Variants in VAC14 observed in about 807,000 individuals in gnomAD.
VAC14 encodes the protein protein VAC14 homolog.
In VAC14, 47 loss-of-function variants were observed where a neutral mutation model predicts 85.3. The ratio of observed to expected loss-of-function variants is 0.55; its 90% CI spans 0.44 to 0.70. The LOEUF is 0.70. Ranked by LOEUF, VAC14 falls within the 30% of genes least tolerant of loss-of-function variation. VAC14 has a pLI of 0.00. For missense variants in VAC14, 861 were observed against 1,004.3 expected (o/e 0.86, Z 1.93); for synonymous variants, 447 against 430.5 (o/e 1.04, Z -0.47).
intron 18 of VAC14, chr16:70,691,110 G>T (rs535428675): frequency 1.0e-6 from 1 of 985,376 alleles, no homozygotes; most frequent in African/African-American, 1.7e-5. Flanking sequence ...CTGACTGACC[G>T]TGGGAGATTC....
At chr16:70,780,526 T>C (rs1394704083) in intron 9 of VAC14, among the ~76,000 whole-genome samples, 1 of 152,232 alleles carries the variant, frequency 6.6e-6, no homozygotes, top group Non-Finnish European at 1.5e-5. Context: ...TCATGGCTGC[T>C]GGAGACAGCC....
At position 70,697,226 on chromosome 16, in the gene VAC14, C is replaced by T. The variant is rs567126350; in HGVS notation, c.1868G>A (p.Arg623His). The T allele has an allele frequency of 1.3e-5, 21 of 1,613,796 alleles. No homozygotes were observed. The highest frequency in any genetic ancestry group is 2.2e-5 in the South Asian group (2 of 91,078). Residue 623 changes from arginine (R) to histidine (H), a missense_variant, in exon 16 of 19, where the codon CGC (arginine) becomes CAC (histidine). By Grantham distance (29) the Arg-to-His change is conservative. Coordinates refer to ENST00000261776, the MANE Select transcript of VAC14 (RefSeq NM_018052.5). ...GGTGACTGGGTTGTGGCACCAGGAG[C>T]GGTACAGGCAGCAGAACAGGTTCTG... The part of the protein sequence containing the change: ...ESQNLFCCLY[R>H]SWCHNPVTTV...
chr16:70,785,716 C>A lies in VAC14; in HGVS notation c.409G>T (p.Asp137Tyr). ...AGGGCGGTTACCTTGCTCAGCCCGT[C>A]AAAGAGCACGTTGAAGTGGGGCAGC... ...AVLPHFNVLF[D>Y]GLSKLAADPD... Residue 137 changes from aspartate (D) to tyrosine (Y), a missense_variant, in exon 3 of 19, where the codon GAC becomes TAC. Physicochemically the swap from Asp to Tyr is radical, Grantham distance 160. This residue lies in a region of VAC14 where 629 missense variants were observed against 703.1 expected (regional missense o/e 0.89). Coordinates refer to ENST00000261776, the MANE Select transcript of VAC14 (RefSeq NM_018052.5). 1 of 1,561,992 alleles carries A rather than the reference C, an allele frequency of 6.4e-7. No individual in the cohort carries two copies. Among genetic ancestry groups the A allele is most frequent in the South Asian group, 1.2e-5 (1 of 84,792 alleles).
intron 1 of VAC14, among the ~76,000 whole-genome samples, chr16:70,798,164 T>A (rs1435928659): frequency 1.3e-5 from 2 of 152,172 alleles, no homozygotes; most frequent in African/African-American, 4.8e-5. Flanking sequence ...AATGGGAGCT[T>A]GAACCCCAGT....
chr16:70,772,149 A>T lies in VAC14; in HGVS notation c.1120T>A (p.Ser374Thr). The change falls in exon 10 of 19, where the codon TCC (serine) becomes ACC (threonine). Residue 374 changes from serine (S) to threonine (T), a missense_variant. Transcript: ENST00000261776. Reference sequence around the variant, plus strand: ...ACACTGATGCCGCTACTGAAGCTGGAGTCACAGGAACCATCTGGACCTCCT... The same window carrying T: ...ACACTGATGCCGCTACTGAAGCTGGTGTCACAGGAACCATCTGGACCTCCT... Reference protein sequence around the residue: ...ASGGPDGSCDSSFSSGISVFT... With the variant: ...ASGGPDGSCDTSFSSGISVFT... The T allele has an allele frequency of 6.2e-7, 1 of 1,614,148 alleles. No individual in the cohort carries two copies. Among genetic ancestry groups the T allele is most frequent in the Non-Finnish European group, 8.5e-7 (1 of 1,180,020 alleles).
intron 1 of VAC14, among the ~76,000 whole-genome samples, chr16:70,789,653 C>CTG (rs1356109352): frequency 2.0e-5 from 3 of 152,212 alleles, no homozygotes; most frequent in Admixed American, 2.0e-4. Flanking sequence ...TAAATCCACT[C>CTG]TGAGAACTGA....
At chr16:70,752,685 C>T (rs987506268) in intron 12 of VAC14, among the ~76,000 whole-genome samples, 1 of 152,266 alleles carries the variant, frequency 6.6e-6, no homozygotes, top group Non-Finnish European at 1.5e-5. Context: ...GCAAGCTACG[C>T]ACAGTCCCCG....
At chr16:70,785,962 A>T (rs971882947) in intron 2 of VAC14, 93 bp from the exon 3 acceptor site, 2 of 1,434,426 alleles carry the variant, frequency 1.4e-6, no homozygotes, top group Non-Finnish European at 1.9e-6. Flanking sequence ...GCTCCCTTGA[A>T]GGTGCTCAGG....
chr16:70,690,703 C>T (rs1341942303), intron 18 of VAC14: 5 of 985,752 alleles, frequency 5.1e-6, no homozygotes, highest in Non-Finnish European at 6.0e-6. Context: ...GTCTGCCCCT[C>T]CCAGGGCTGG....
chr16:70,695,705 C>A (rs113340576), intron 16 of VAC14, 82 bp from the exon 17 acceptor site: 2 of 1,361,382 alleles, frequency 1.5e-6, no homozygotes, highest in African/African-American at 1.4e-5. Context: ...CCCCCCTGCA[C>A]CTGGCTTCCT....
At chr16:70,791,158 A>C (rs1192743671) in intron 1 of VAC14, among the ~76,000 whole-genome samples, 2 of 152,154 alleles carry the variant, frequency 1.3e-5, no homozygotes, top group African/African-American at 4.8e-5. Flanking sequence ...TGCCTGGCCC[A>C]TGCTGCACCT....
At chr16:70,712,917 A>C (rs563187019) in intron 14 of VAC14, among the ~76,000 whole-genome samples, 110 of 152,292 alleles carry the variant, frequency 7.2e-4, no homozygotes, top group Middle Eastern at 6.8e-3. Context: ...CTACCTCCCC[A>C]GGGCATGGGT....
At chr16:70,726,415 C>G (rs889515950) in intron 14 of VAC14, among the ~76,000 whole-genome samples, 14 of 152,252 alleles carry the variant, frequency 9.2e-5, no homozygotes, top group Admixed American at 9.2e-4. Context: ...TCCCCCTCCA[C>G]AGACCACCCT....
chr16:70,731,265 A>T lies in VAC14; in HGVS notation c.1661+230T>A, dbSNP rs1330689630. ...AAGATAGTAACTCAGGAAGCAAAAA[A>T]TGAATTCAGTTGTGCGGAAAAACAT... On this transcript the variant is annotated intron_variant, in intron 14 of 18. Coordinates refer to ENST00000261776, the MANE Select transcript of VAC14 (RefSeq NM_018052.5). The T allele has an allele frequency of 2.3e-6, 3 of 1,290,872 alleles. No individual in the cohort carries two copies. In the African/African-American group the frequency reaches 4.5e-5, roughly 19 times the overall value. 80.0% of individuals were successfully genotyped at this position (1,290,872 alleles called of 1,614,324 possible). A position where few individuals can be genotyped will look rare whatever the true frequency, so the allele number is the denominator to read the frequency against.
chr16:70,772,074 T>A, intron 10 of VAC14, 35 bp downstream of exon 10: 1 of 1,609,016 alleles, frequency 6.2e-7, no homozygotes, highest in African/African-American at 1.3e-5. Context: ...GCCGCTCGCT[T>A]TCCACAAACC....
chr16:70,733,020 T>G (rs1794574655), intron 13 of VAC14, among the ~76,000 whole-genome samples: 1 of 152,212 alleles, frequency 6.6e-6, no homozygotes, highest in Non-Finnish European at 1.5e-5. Flanking sequence ...GTTAATCCTT[T>G]TAAAGTGTGC....
At chr16:70,722,905 C>A (rs2142999341) in intron 14 of VAC14, among the ~76,000 whole-genome samples, 1 of 152,198 alleles carries the variant, frequency 6.6e-6, no homozygotes. Flanking sequence ...CATAGTGAGA[C>A]CCCATCTCTA....
intron 12 of VAC14, among the ~76,000 whole-genome samples, chr16:70,761,984 T>C (rs1379576592): frequency 1.3e-5 from 2 of 152,184 alleles, no homozygotes; most frequent in African/African-American, 2.4e-5. Flanking sequence ...TGTCTTGCCT[T>C]TGGGCAGCCT....
At chr16:70,744,984 A>T (rs1392063017) in intron 12 of VAC14, 1 of 176,670 alleles carries the variant, frequency 5.7e-6, no homozygotes, top group Non-Finnish European at 1.2e-5. Flanking sequence ...AGTGCCCTCC[A>T]GACCATGTTC....
Sources: gnomAD v4.1 joint callset for allele counts (sites outside exome capture counted in the v4.1 genomes callset) on GRCh38, gnomAD v4.1.1 for gene constraint, gnomAD v4.1.1 regional missense constraint, MANE v1.5 for transcripts, NCBI Gene and HGNC (gene_info 2026-07-23, HGNC 2026-07-21) for gene names.